Variants in TMEM272 observed in about 807,000 individuals in gnomAD.
TMEM272 encodes transmembrane protein 272, also known as long intergenic non-protein coding RNA 282.
In TMEM272, 8 loss-of-function variants were observed where a neutral mutation model predicts 3.7. The observed-to-expected ratio is 2.17, with a 90% CI of 1.27 to 3.91. The LOEUF is 3.91. Among genes scored for constraint, TMEM272 ranks in the 30% most tolerant of loss-of-function variants. TMEM272 has a pLI of 0.00. For synonymous variants in TMEM272, 63 were observed against 39.8 expected (o/e 1.58, Z -2.20); for missense variants, 166 against 91.5 (o/e 1.81, Z -3.32).
chr13:51,872,921 GC>G, the TMEM272 span, among the ~76,000 whole-genome samples: 1 of 152,196 alleles, frequency 6.6e-6, no homozygotes, highest in Non-Finnish European at 1.5e-5. Context: ...TCACACGAAT[GC>G]CCCCTCTTCT....
intron 1 of TMEM272, among the ~76,000 whole-genome samples, chr13:51,842,936 G>T (rs9591436): frequency 0.013 from 1,952 of 152,252 alleles, 44 homozygotes; most frequent in African/African-American, 0.045. Context: ...GAATAGTTAT[G>T]TAATTAAAAA....
chr13:51,841,232 A>G (rs529311291), intron 1 of TMEM272, among the ~76,000 whole-genome samples: 2 of 152,354 alleles, frequency 1.3e-5, no homozygotes, highest in South Asian at 2.1e-4. Flanking sequence ...TGCACTTCAC[A>G]TAACAGGGAG....
At chr13:51,826,457 C>A in intron 3 of TMEM272, 109 bp downstream of exon 3, 1 of 657,190 alleles carries the variant, frequency 1.5e-6, no homozygotes, top group Non-Finnish European at 2.8e-6. Flanking sequence ...AATCATCGGG[C>A]TGGCCAGTTC....
rs1214140139 is a variant in TMEM272 at position 51,816,123 on chromosome 13, C to T, written c.*628G>A. 1.3e-5 allele frequency: 2 copies of T among 152,996 alleles called. No individual in the cohort carries two copies. The highest frequency in any genetic ancestry group is 4.8e-5 in the African/African-American group (2 of 41,474). The allele number at this position is 152,996 out of a possible 1,614,324, so 9.5% of individuals were successfully genotyped here. On this transcript the variant is annotated 3_prime_UTR_variant, in exon 5 of 5. Coordinates refer to ENST00000629372, the MANE Select transcript of TMEM272 (RefSeq NM_001351003.2). ...CAGCCCGCCCCCTATGTGGAAGCTA[C>T]TGCTTTGACGTTGTTAGATTTTATA...
upstream of TMEM272, among the ~76,000 whole-genome samples, chr13:51,847,149 G>A (rs1223790760): frequency 6.6e-6 from 1 of 152,172 alleles, no homozygotes; most frequent in African/African-American, 2.4e-5. Flanking sequence ...TTACCACAGT[G>A]TTACAACTGC....
intron 3 of TMEM272, 26 bp from the exon 4 acceptor site, chr13:51,822,163 T>G (rs1215552970): frequency 1.5e-6 from 1 of 678,050 alleles, no homozygotes; most frequent in Non-Finnish European, 2.7e-6. Flanking sequence ...AGAAGAGGAT[T>G]GAGAGAAATA....
intron 3 of TMEM272, among the ~76,000 whole-genome samples, chr13:51,825,472 A>T (rs1160164371): frequency 6.6e-6 from 1 of 152,068 alleles, no homozygotes; most frequent in Non-Finnish European, 1.5e-5. Flanking sequence ...CATTTTCATC[A>T]CCTCAAAAGG....
the TMEM272 span, chr13:51,866,171 C>T: frequency 9.6e-7 from 1 of 1,037,648 alleles, no homozygotes; most frequent in Non-Finnish European, 1.4e-6. Context: ...AAAATACACA[C>T]TCATTGGTCT....
chr13:51,934,333 G>A, the TMEM272 span: 2 of 298,896 alleles, frequency 6.7e-6, no homozygotes, highest in Non-Finnish European at 1.3e-5. Context: ...ACACAGACAG[G>A]CGTCATCAGA....
At chr13:51,866,716 G>A in the TMEM272 span, among the ~76,000 whole-genome samples, 4 of 152,162 alleles carry the variant, frequency 2.6e-5, no homozygotes, top group African/African-American at 9.7e-5. Context: ...CTTGGCGTGG[G>A]GGCTGAGACT....
chr13:51,897,094 T>C, the TMEM272 span, among the ~76,000 whole-genome samples: 1 of 152,208 alleles, frequency 6.6e-6, no homozygotes, highest in Non-Finnish European at 1.5e-5. Context: ...GTGGCCCAGG[T>C]GAATACAGAG....
At chr13:51,923,260 A>G in the TMEM272 span, among the ~76,000 whole-genome samples, 1 of 152,326 alleles carries the variant, frequency 6.6e-6, no homozygotes, top group African/African-American at 2.4e-5. Flanking sequence ...AGTCCTAGAC[A>G]CTGAGATCTG....
the TMEM272 span, among the ~76,000 whole-genome samples, chr13:51,927,452 A>G: frequency 1.3e-5 from 2 of 152,354 alleles, no homozygotes; most frequent in South Asian, 4.1e-4. Flanking sequence ...AGGAATTCAT[A>G]TCTAAAGGTG....
chr13:51,818,316 G>A (rs1471459127), intron 4 of TMEM272, among the ~76,000 whole-genome samples: 1 of 152,192 alleles, frequency 6.6e-6, no homozygotes, highest in Non-Finnish European at 1.5e-5. Context: ...ACAGAGAGAT[G>A]GGAACAGCGA....
the TMEM272 span, among the ~76,000 whole-genome samples, chr13:51,888,639 C>CTTTTTTTTTTTTTTTTTTTT: frequency 7.6e-4 from 58 of 76,800 alleles, no homozygotes; most frequent in South Asian, 3.4e-3. Context: ...TTTTCTTTTT[C>CTTTTTTTTTTTTTTTTTTTT]TTTTTTTTTT....
chr13:51,886,090 C>A, the TMEM272 span, among the ~76,000 whole-genome samples: 70,939 of 151,984 alleles, frequency 0.47, 17,600 homozygotes, highest in Non-Finnish European at 0.56. Flanking sequence ...TCCATCACAC[C>A]CATCATTCTC....
chr13:51,865,739 T>TA, the TMEM272 span: 1 of 1,614,056 alleles, frequency 6.2e-7, no homozygotes, highest in Non-Finnish European at 8.5e-7. Flanking sequence ...AGAGAAAACT[T>TA]TCTGGAAAAA....
upstream of TMEM272, among the ~76,000 whole-genome samples, chr13:51,848,983 T>C (rs967261814): frequency 6.6e-6 from 1 of 152,218 alleles, no homozygotes; most frequent in Non-Finnish European, 1.5e-5. Context: ...CTATTCATCC[T>C]GACGGCTTCC....
At chr13:51,921,788 CT>C in the TMEM272 span, among the ~76,000 whole-genome samples, 1 of 152,228 alleles carries the variant, frequency 6.6e-6, no homozygotes, top group African/African-American at 2.4e-5. Flanking sequence ...CATGTGCCCC[CT>C]GCTCTCCCCT....
Sources: gnomAD v4.1 joint callset for allele counts (sites outside exome capture counted in the v4.1 genomes callset) on GRCh38, gnomAD v4.1.1 for gene constraint, MANE v1.5 for transcripts, NCBI Gene and HGNC (gene_info 2026-07-23, HGNC 2026-07-21) for gene names.